The following NPAS3 variants were observed in gnomAD, a reference collection of about 807,000 sequenced individuals.
The protein encoded by NPAS3 is neuronal PAS domain protein 3, also known as neuronal PAS domain-containing protein 3.
NPAS3 carries 14 observed loss-of-function variants against 73.1 expected under a neutral mutation model. The ratio of observed to expected loss-of-function variants is 0.19; its 90% CI spans 0.13 to 0.30. The LOEUF is 0.30. Ranked by LOEUF, NPAS3 falls within the 10% of genes least tolerant of loss-of-function variation. The pLI, the probability that NPAS3 is intolerant of heterozygous loss-of-function variation, is 1.00. For synonymous variants in NPAS3, 620 were observed against 541.5 expected (o/e 1.14, Z -2.01); for missense variants, 1,096 against 1,250.0 (o/e 0.88, Z 1.86).
chr14:33,648,480 A>G (rs996430783), intron 5 of NPAS3, among the ~76,000 whole-genome samples: 1 of 152,210 alleles, frequency 6.6e-6, no homozygotes. Context: ...AACTCCTAGA[A>G]AGGAAGGCTT....
chr14:33,267,573 A>G (rs12433819), intron 3 of NPAS3, among the ~76,000 whole-genome samples: 30,101 of 152,182 alleles, frequency 0.2, 3,730 homozygotes, highest in Admixed American at 0.4. Context: ...ATATGCCTTT[A>G]TAATATAAGC....
At chr14:33,175,644 A>G (rs1239394000) in intron 2 of NPAS3, among the ~76,000 whole-genome samples, 1 of 152,184 alleles carries the variant, frequency 6.6e-6, no homozygotes, top group African/African-American at 2.4e-5. Flanking sequence ...ACATGCTGGT[A>G]TGTTCATTTT....
intron 1 of NPAS3, among the ~76,000 whole-genome samples, chr14:32,992,701 A>G (rs1044642116): frequency 2.0e-5 from 3 of 152,228 alleles, no homozygotes; most frequent in Non-Finnish European, 4.4e-5. Flanking sequence ...TATTACCCTT[A>G]TTGAAAACAT....
intron 4 of NPAS3, among the ~76,000 whole-genome samples, chr14:33,393,981 A>T (rs554726763): frequency 6.6e-6 from 1 of 152,262 alleles, no homozygotes; most frequent in South Asian, 2.1e-4. Context: ...ATTAGCAGAG[A>T]GTTTTGGAAC....
chr14:32,947,582 TACAC>T (rs573630595), intron 1 of NPAS3, among the ~76,000 whole-genome samples: 1 of 152,122 alleles, frequency 6.6e-6, no homozygotes, highest in African/African-American at 2.4e-5. Context: ...TGTCACATGA[TACAC>T]ACATATATAT....
rs567832639 is a variant in NPAS3 at position 33,154,835 on chromosome 14, A to G, written c.141-60347A>G. Among the ~76,000 whole-genome samples the G allele has an allele frequency of 3.3e-5, 5 of 152,274 alleles. No individual in the cohort carries two copies. The East Asian group carries it at 9.6e-4, about 29-fold the overall frequency. ...TTTTGATATTGTTATTTTAATGAAA[A>G]CAATTCTAGGACCTGCCTCTAAGGT... On this transcript the variant is annotated intron_variant, in intron 2 of 11. Coordinates refer to ENST00000356141, the Ensembl canonical transcript of NPAS3.
At chr14:33,667,621 T>C (rs1017568103) in intron 5 of NPAS3, among the ~76,000 whole-genome samples, 3 of 152,198 alleles carry the variant, frequency 2.0e-5, no homozygotes, top group African/African-American at 4.8e-5. Context: ...CTTGCTTTCA[T>C]AGAAGATAAC....
intron 2 of NPAS3, among the ~76,000 whole-genome samples, chr14:33,064,196 A>G (rs528036421): frequency 6.6e-6 from 1 of 152,338 alleles, no homozygotes; most frequent in South Asian, 2.1e-4. Flanking sequence ...TTCCTTATGA[A>G]AAATACATAT....
At chr14:33,603,854 C>T (rs2057473406) in intron 5 of NPAS3, among the ~76,000 whole-genome samples, 1 of 151,916 alleles carries the variant, frequency 6.6e-6, no homozygotes, top group Non-Finnish European at 1.5e-5. Context: ...GGATTTGCAG[C>T]TTATATAAAA....
chr14:33,186,216 TTAACTC>T (rs1350217032), intron 2 of NPAS3, among the ~76,000 whole-genome samples: 3 of 152,330 alleles, frequency 2.0e-5, no homozygotes, highest in East Asian at 1.9e-4. Flanking sequence ...TACATTTTGT[TTAACTC>T]TATCTCTGCA....
chr14:33,440,172 C>A (rs933745418), intron 4 of NPAS3, among the ~76,000 whole-genome samples: 1 of 151,684 alleles, frequency 6.6e-6, no homozygotes, highest in African/African-American at 2.4e-5. Context: ...TTGTTGAAGC[C>A]GGATGGAACC....
chr14:33,175,738 G>GA (rs1413858288), intron 2 of NPAS3, among the ~76,000 whole-genome samples: 1 of 152,046 alleles, frequency 6.6e-6, no homozygotes, highest in Non-Finnish European at 1.5e-5. Flanking sequence ...ACATCCCAAT[G>GA]GGATGACATC....
intron 4 of NPAS3, among the ~76,000 whole-genome samples, chr14:33,437,864 C>T (rs1213088933): frequency 6.6e-6 from 1 of 152,162 alleles, no homozygotes; most frequent in African/African-American, 2.4e-5. Context: ...GAGAATTTGC[C>T]AGCCTCTCAC....
intron 2 of NPAS3, among the ~76,000 whole-genome samples, chr14:33,071,184 CTAT>C (rs2041472539): frequency 6.6e-6 from 1 of 152,090 alleles, no homozygotes; most frequent in Non-Finnish European, 1.5e-5. Context: ...AGGAACAATA[CTAT>C]TATCATCATG....
At chr14:33,232,539 CCTT>C (rs1484628207) in intron 3 of NPAS3, among the ~76,000 whole-genome samples, 7 of 152,066 alleles carry the variant, frequency 4.6e-5, no homozygotes, top group African/African-American at 1.2e-4. Flanking sequence ...GAATTCATTC[CCTT>C]CTTCTGCGTT....
chr14:33,723,133 G>A (rs915962254), intron 6 of NPAS3, among the ~76,000 whole-genome samples: 4 of 152,080 alleles, frequency 2.6e-5, no homozygotes, highest in South Asian at 2.1e-4. Flanking sequence ...GATTTTACTT[G>A]AATTCTCAAT....
chr14:33,530,661 C>A (rs1157102963), intron 4 of NPAS3, among the ~76,000 whole-genome samples: 1 of 152,032 alleles, frequency 6.6e-6, no homozygotes, highest in Non-Finnish European at 1.5e-5. Context: ...TCAGCTCTTT[C>A]TCCTACTTGA....
intron 4 of NPAS3, among the ~76,000 whole-genome samples, chr14:33,485,134 T>C (rs774367492): frequency 1.3e-5 from 2 of 152,136 alleles, no homozygotes; most frequent in African/African-American, 2.4e-5. Context: ...CTTTCTCATG[T>C]ATAGACGGTT....
At chr14:33,200,660 A>G (rs1252785248) in intron 2 of NPAS3, among the ~76,000 whole-genome samples, 1 of 152,206 alleles carries the variant, frequency 6.6e-6, no homozygotes, top group Non-Finnish European at 1.5e-5. Flanking sequence ...AGTGCTTTCA[A>G]AAACTGGAAG....
Sources: allele counts gnomAD v4.1 joint callset (sites outside exome capture counted in the v4.1 genomes callset), GRCh38; gene constraint gnomAD v4.1.1; transcripts MANE v1.5; gene names NCBI Gene and HGNC (gene_info 2026-07-23, HGNC 2026-07-21).